LRRC36: variants seen among roughly 807,000 people sequenced by gnomAD.
The protein encoded by LRRC36 is leucine rich repeat containing 36, also known as leucine-rich repeat-containing protein 36.
A neutral mutation model predicts 81.1 loss-of-function variants in LRRC36; 62 were observed. The ratio of observed to expected loss-of-function variants is 0.76; its 90% confidence interval spans 0.62 to 0.94. LRRC36 has a LOEUF of 0.94. Among genes scored for constraint, LRRC36 ranks in the 40% least tolerant of loss-of-function variants. The pLI, the probability that LRRC36 is intolerant of heterozygous loss-of-function variation, is 0.00. For missense variants in LRRC36, 761 were observed against 881.7 expected, an observed-to-expected ratio of 0.86 and a Z score of 1.73; for synonymous variants, 334 against 348.6, an observed-to-expected ratio of 0.96 and a Z score of 0.47.
At chr16:67,333,610 GC>G (rs2037604945) in intron 1 of LRRC36, among the ~76,000 whole-genome samples, 1 of 151,928 alleles carries the variant, frequency 6.6e-6, no homozygotes, top group East Asian at 1.9e-4. Flanking sequence ...CTGTGGATTT[GC>G]CTCTTCTGGG....
chr16:67,370,758 G>T (rs992440972), intron 8 of LRRC36, among the ~76,000 whole-genome samples, 186 bp from the exon 9 acceptor site: 1 of 152,124 alleles, frequency 6.6e-6, no homozygotes, highest in Non-Finnish European at 1.5e-5. Context: ...ATGTTCCCCT[G>T]CTCTGGTGTA....
intron 10 of LRRC36, 94 bp from the exon 11 acceptor site, chr16:67,376,633 C>G: frequency 7.0e-6 from 9 of 1,281,256 alleles, no homozygotes; most frequent in Non-Finnish European, 9.9e-6. Flanking sequence ...AATACATTAG[C>G]CTATTTGATC....
Position 67,356,350 on chromosome 16 carries a change from A to G in LRRC36, c.577+6060A>G, listed in dbSNP as rs181897088. Among the ~76,000 whole-genome samples, 4 of 152,338 alleles carry G rather than the reference A, an allele frequency of 2.6e-5. No homozygotes were observed. In the East Asian group the frequency reaches 7.7e-4, roughly 29 times the overall value. ...ATGATGGAGTTTTGGCTGAATAAAA[A>G]TCAGCTTGGAATAGCAGAGACTTCT... On this transcript the variant is annotated intron_variant, in intron 5 of 13. Coordinates refer to ENST00000329956, the MANE Select transcript of LRRC36 (RefSeq NM_018296.6).
chr16:67,350,170 T>C, intron 4 of LRRC36, 32 bp from the exon 5 acceptor site: 1 of 1,463,472 alleles, frequency 6.8e-7, no homozygotes, highest in Non-Finnish European at 9.3e-7. Flanking sequence ...TTTTTTTTTT[T>C]TGAGTTGTAA....
chr16:67,380,703 C>T (rs143122412), intron 12 of LRRC36, among the ~76,000 whole-genome samples: 5 of 152,262 alleles, frequency 3.3e-5, no homozygotes, highest in African/African-American at 1.2e-4. Context: ...AGGTATTTGT[C>T]CACTAGATAC....
chr16:67,354,215 A>G (rs2038792248), intron 5 of LRRC36, among the ~76,000 whole-genome samples: 1 of 151,904 alleles, frequency 6.6e-6, no homozygotes, highest in African/African-American at 2.4e-5. Flanking sequence ...CCTGCTTGTA[A>G]TGCTTTACTC....
chr16:67,384,855 TCCC>T lies in LRRC36; in HGVS notation c.2046-14_2046-12del. ...TTTTATGATTTCATGACTGCCTTTT[TCCC>T]TTGGGCCTCAGATCCCTGGTGGTAA... On this transcript the variant is annotated splice_polypyrimidine_tract_variant and intron_variant, in intron 13 of 13. Transcript: ENST00000329956. 6.2e-7 allele frequency: 1 copy of T among 1,607,214 alleles called. No individual in the cohort carries two copies.
At chr16:67,378,961 T>G (rs1378144562) in intron 12 of LRRC36, among the ~76,000 whole-genome samples, 1 of 152,238 alleles carries the variant, frequency 6.6e-6, no homozygotes, top group Non-Finnish European at 1.5e-5. Flanking sequence ...TTGCCATTAA[T>G]TTTGAGAATG....
intron 5 of LRRC36, among the ~76,000 whole-genome samples, chr16:67,356,004 G>T (rs1230025180): frequency 6.6e-6 from 1 of 152,174 alleles, no homozygotes; most frequent in East Asian, 1.9e-4. Context: ...GGTGTGGTTT[G>T]GGTGGAAGGT....
chr16:67,360,711 C>T (rs1418432606), intron 5 of LRRC36, among the ~76,000 whole-genome samples: 1 of 152,146 alleles, frequency 6.6e-6, no homozygotes, highest in African/African-American at 2.4e-5. Flanking sequence ...TAGAAGGCAT[C>T]TTAGAGCCTC....
chr16:67,332,553 C>CA (rs1276815789), intron 1 of LRRC36, among the ~76,000 whole-genome samples: 3 of 149,120 alleles, frequency 2.0e-5, no homozygotes, highest in Non-Finnish European at 4.5e-5. Context: ...GACTCCGTCT[C>CA]AAAAAAAAAT....
In LRRC36 at chr16:67,371,232, C is replaced by CA; in HGVS notation, c.1485dup (p.Gly496ArgfsTer7). On this transcript the variant is annotated frameshift_variant, in exon 9 of 14. Coordinates refer to ENST00000329956, the MANE Select transcript of LRRC36 (RefSeq NM_018296.6). LOFTEE classifies it high-confidence loss of function. ...CTAAAGCATGGTTTCCAAGATGCTA[C>CA]AGGCAGCGAGGCAAGTGTTGGCTTG... 6.2e-7 allele frequency: 1 copy of CA among 1,614,162 alleles called. No individual in the cohort carries two copies. The highest frequency in any genetic ancestry group is 8.5e-7 in the Non-Finnish European group (1 of 1,180,020).
At chr16:67,377,324 C>CTCTTT (rs576640108) in intron 11 of LRRC36, among the ~76,000 whole-genome samples, 204 of 152,090 alleles carry the variant, frequency 1.3e-3, no homozygotes, top group East Asian at 1.9e-3. Flanking sequence ...GTTCCCTTTT[C>CTCTTT]TCTTTTCTTT....
At chr16:67,371,972 A>C (rs1043007794) in intron 9 of LRRC36, 2 of 152,592 alleles carry the variant, frequency 1.3e-5, no homozygotes, top group African/African-American at 2.4e-5. Flanking sequence ...CAGAAGATGA[A>C]TTAGATTATC....
At chr16:67,366,866 C>T (rs756990300) in intron 7 of LRRC36, 151 bp from the exon 8 acceptor site, 24 of 625,174 alleles carry the variant, frequency 3.8e-5, no homozygotes, top group Non-Finnish European at 6.1e-5. Context: ...CCTTTCATCA[C>T]TTTATGCTAC....
chr16:67,335,814 C>T (rs545856863), intron 1 of LRRC36, among the ~76,000 whole-genome samples: 2 of 151,986 alleles, frequency 1.3e-5, no homozygotes, highest in Non-Finnish European at 2.9e-5. Flanking sequence ...CTCACGGCAG[C>T]CTCCACCTCC....
At chr16:67,335,644 G>T (rs2037723148) in intron 1 of LRRC36, among the ~76,000 whole-genome samples, 1 of 152,102 alleles carries the variant, frequency 6.6e-6, no homozygotes, top group Non-Finnish European at 1.5e-5. Context: ...AAGTGTCCAT[G>T]AAACCTTCAC....
intron 5 of LRRC36, among the ~76,000 whole-genome samples, chr16:67,354,877 C>A (rs2038827763): frequency 1.3e-5 from 2 of 152,108 alleles, no homozygotes; most frequent in African/African-American, 4.8e-5. Context: ...ACAAAAATAG[C>A]TTCACTGCCC....
At chr16:67,350,628 C>T (rs1279067374) in intron 5 of LRRC36, among the ~76,000 whole-genome samples, 1 of 152,222 alleles carries the variant, frequency 6.6e-6, no homozygotes. Context: ...CCCTGGGCTT[C>T]CTGGGCTGCC....
Sources: allele counts gnomAD v4.1 joint callset (sites outside exome capture counted in the v4.1 genomes callset), GRCh38; gene constraint gnomAD v4.1.1; transcripts MANE v1.5; gene names NCBI Gene and HGNC (gene_info 2026-07-23, HGNC 2026-07-21).